MTUS2: variants seen among roughly 807,000 people sequenced by gnomAD.
The protein encoded by MTUS2 is microtubule associated scaffold protein 2, also known as microtubule-associated tumor suppressor candidate 2.
Under a neutral mutation model 114.1 loss-of-function variants are expected in MTUS2, and 40 were observed. That is an observed-to-expected ratio of 0.35 (90% confidence interval 0.27 to 0.46). MTUS2 has a LOEUF of 0.46. Among genes scored for constraint, MTUS2 ranks in the 20% least tolerant of loss-of-function variants. The pLI is 1.00. For synonymous variants in MTUS2, 688 were observed against 672.0 expected (o/e 1.02, Z -0.37); for missense variants, 1,679 against 1,705.4 (o/e 0.98, Z 0.27).
chr13:28,964,164 GT>G (rs1883467063), intron 2 of MTUS2, among the ~76,000 whole-genome samples: 1 of 152,186 alleles, frequency 6.6e-6, no homozygotes, highest in African/African-American at 2.4e-5. Flanking sequence ...TGCCAAAGTA[GT>G]TTTCCTAATT....
chr13:28,972,889 A>C (rs1157203000), intron 2 of MTUS2, among the ~76,000 whole-genome samples: 2 of 152,214 alleles, frequency 1.3e-5, no homozygotes, highest in Non-Finnish European at 2.9e-5. Context: ...AGGCAGAGAT[A>C]GTTAAGCCCC....
chr13:29,097,420 C>T (rs1245518243), intron 4 of MTUS2, among the ~76,000 whole-genome samples: 2 of 152,130 alleles, frequency 1.3e-5, no homozygotes, highest in Non-Finnish European at 2.9e-5. Context: ...GCCACCTCAG[C>T]TTTCCTGTAA....
intron 2 of MTUS2, among the ~76,000 whole-genome samples, chr13:28,967,260 A>G (rs184259723): frequency 2.6e-4 from 40 of 152,324 alleles, no homozygotes; most frequent in African/African-American, 8.9e-4. Context: ...CCTGACTACT[A>G]TATTAATATT....
rs201297560 is a variant in MTUS2, at chr13:29,042,677, A to G, written c.2446+8552A>G. On this transcript the variant is annotated intron_variant, in intron 4 of 15. Coordinates refer to ENST00000612955, the MANE Select transcript of MTUS2 (RefSeq NM_001033602.4). ...ACTGGTCTGTTCGGAATTTAATTTC[A>G]TTGTGGTTTAATCTAGGAATGTTGT... Among the ~76,000 whole-genome samples the G allele has an allele frequency of 2.6e-5, 4 of 151,994 alleles. No homozygotes were observed. The East Asian group carries it at 7.7e-4, about 29-fold the overall frequency.
At chr13:29,058,355 A>G (rs561478534) in intron 4 of MTUS2, among the ~76,000 whole-genome samples, 61 of 151,890 alleles carry the variant, frequency 4.0e-4, no homozygotes, top group African/African-American at 1.4e-3. Context: ...TTCATGGGTG[A>G]TATCCTCAAA....
At position 28,953,274 on chromosome 13, in the gene MTUS2, C is replaced by T. The variant is rs145093589; in HGVS notation, c.-242-71183C>T. ...CTGTAATCCCTGCACTTTGGGAGGC[C>T]GAGGTGGGTGGATCGCCTGAGGTCA... On this transcript the variant is annotated intron_variant, in intron 2 of 15. Coordinates refer to ENST00000612955, the MANE Select transcript of MTUS2 (RefSeq NM_001033602.4). Among the ~76,000 whole-genome samples, 230 of 151,962 alleles carry T rather than the reference C, an allele frequency of 1.5e-3. 1 individual carries two copies. Among genetic ancestry groups the T allele is most frequent in the African/African-American group, 4.9e-3 (205 of 41,434 alleles).
At chr13:29,079,426 A>G (rs759391119) in intron 4 of MTUS2, among the ~76,000 whole-genome samples, 6 of 152,074 alleles carry the variant, frequency 3.9e-5, no homozygotes, top group Non-Finnish European at 7.4e-5. Context: ...ATGAAATTCA[A>G]CTTACCTAAA....
At chr13:29,270,418 C>G (rs1002985577) in intron 5 of MTUS2, among the ~76,000 whole-genome samples, 1 of 152,158 alleles carries the variant, frequency 6.6e-6, no homozygotes, top group Admixed American at 6.5e-5. Context: ...GCTTCTAGCA[C>G]TACTTCTCAG....
At chr13:28,968,813 C>G (rs1231445237) in intron 2 of MTUS2, among the ~76,000 whole-genome samples, 1 of 152,068 alleles carries the variant, frequency 6.6e-6, no homozygotes, top group Admixed American at 6.5e-5. Context: ...AAACATTCTT[C>G]ACTTGTACTC....
intron 5 of MTUS2, among the ~76,000 whole-genome samples, chr13:29,221,489 T>C (rs557660429): frequency 6.6e-6 from 1 of 152,312 alleles, no homozygotes; most frequent in African/African-American, 2.4e-5. Flanking sequence ...ATTTTTTATA[T>C]ATATTTTTGG....
At chr13:29,328,649 T>C (rs1900631904) in intron 7 of MTUS2, among the ~76,000 whole-genome samples, 1 of 152,190 alleles carries the variant, frequency 6.6e-6, no homozygotes, top group South Asian at 2.1e-4. Flanking sequence ...AATGTCTCTT[T>C]AAAGATTTCA....
At chr13:28,895,795 G>A (rs991810968) in intron 2 of MTUS2, among the ~76,000 whole-genome samples, 4 of 152,138 alleles carry the variant, frequency 2.6e-5, no homozygotes, top group South Asian at 4.1e-4. Context: ...ATGAATTAAC[G>A]TTAAATACAA....
chr13:29,454,439 A>T (rs1382024904), intron 9 of MTUS2, among the ~76,000 whole-genome samples: 2 of 152,248 alleles, frequency 1.3e-5, no homozygotes, highest in Admixed American at 6.5e-5. Context: ...TTTCAGGGAA[A>T]TACTTTTAAC....
In MTUS2 at chr13:28,992,143, T is replaced by A. The variant is rs1884889611; in HGVS notation, c.-242-32314T>A. On this transcript the variant is annotated intron_variant, in intron 2 of 15. Coordinates refer to ENST00000612955, the MANE Select transcript of MTUS2 (RefSeq NM_001033602.4). ...AGTGACACCTCTTCTGGCCTGAAAC[T>A]TTTTTTCCCCTCCATGGGCTGAAGC... Among the ~76,000 whole-genome samples, 3 of 152,056 alleles carry A rather than the reference T, an allele frequency of 2.0e-5. No homozygotes were observed. In the South Asian group the frequency reaches 6.2e-4, roughly 32 times the overall value.
At chr13:28,965,314 C>T (rs2025177) in intron 2 of MTUS2, among the ~76,000 whole-genome samples, 133,433 of 152,150 alleles carry the variant, frequency 0.88, 58,751 homozygotes, top group East Asian at 1. Flanking sequence ...TAAGTTCCAT[C>T]GTTTGTAATC....
intron 2 of MTUS2, among the ~76,000 whole-genome samples, chr13:28,892,059 C>G (rs759807531): frequency 9.2e-5 from 14 of 152,074 alleles, no homozygotes; most frequent in Non-Finnish European, 1.5e-4. Context: ...TGTTTCTCAG[C>G]AACTCCCACA....
intron 2 of MTUS2, among the ~76,000 whole-genome samples, chr13:28,911,872 GT>G (rs1295549919): frequency 7.6e-4 from 30 of 39,460 alleles, no homozygotes; most frequent in Admixed American, 7.3e-3. Context: ...TTGTAAATTT[GT>G]TTACATTTTT....
chr13:28,877,067 CG>C (rs1593264243), intron 2 of MTUS2, among the ~76,000 whole-genome samples: 1 of 149,896 alleles, frequency 6.7e-6, no homozygotes, highest in East Asian at 1.9e-4. Context: ...CCGAGGTGGG[CG>C]GATCACGAGG....
At chr13:29,462,246 G>A (rs531928665) in intron 9 of MTUS2, among the ~76,000 whole-genome samples, 41 of 152,326 alleles carry the variant, frequency 2.7e-4, no homozygotes, top group African/African-American at 9.9e-4. Flanking sequence ...ATGGCAAAGT[G>A]TGGCTGGAGC....
Sources: allele counts gnomAD v4.1 joint callset (sites outside exome capture counted in the v4.1 genomes callset), GRCh38; gene constraint gnomAD v4.1.1; transcripts MANE v1.5; gene names NCBI Gene and HGNC (gene_info 2026-07-23, HGNC 2026-07-21).